PTGR3: variants seen among roughly 807,000 people sequenced by gnomAD.
PTGR3 encodes the protein zinc binding alcohol dehydrogenase domain containing 2.
chr18:75,201,274 G>A, the PTGR3 span: 1 of 702,374 alleles, frequency 1.4e-6, no homozygotes, highest in Non-Finnish European at 2.3e-6. Flanking sequence ...AGGAGGAGAA[G>A]GAGAGACCTA....
chr18:75,197,371 C>T, the PTGR3 span: 1 of 152,154 alleles, frequency 6.6e-6, no homozygotes, highest in Non-Finnish European at 1.5e-5. Context: ...TTCAAGACAT[C>T]TCATGTACCC....
At chr18:75,201,766 TAGCCAGGGCGTCTAC>T in the PTGR3 span, 1 of 1,614,216 alleles carries the variant, frequency 6.2e-7, no homozygotes, top group Non-Finnish European at 8.5e-7. Context: ...CGCCCTTTCG[TAGCCAGGGCGTCTAC>T]AGCCAAGTCA....
the PTGR3 span, chr18:75,208,702 T>C: frequency 2.2e-6 from 2 of 917,694 alleles, no homozygotes; most frequent in African/African-American, 3.5e-5. Context: ...CGGGTTCAAC[T>C]TCCCGGGATC....
the PTGR3 span, chr18:75,205,062 G>C: frequency 1.0e-5 from 8 of 793,142 alleles, no homozygotes; most frequent in Non-Finnish European, 1.2e-5. Flanking sequence ...TCCTCGCGCC[G>C]CGCTGTCTCC....
chr18:75,201,122 T>C, the PTGR3 span: 2 of 366,838 alleles, frequency 5.5e-6, no homozygotes, highest in Non-Finnish European at 9.8e-6. Flanking sequence ...GCATCAGGAA[T>C]GAATTTAGTT....
At chr18:75,203,978 T>A in the PTGR3 span, among the ~76,000 whole-genome samples, 1 of 152,294 alleles carries the variant, frequency 6.6e-6, no homozygotes, top group African/African-American at 2.4e-5. Context: ...GGGGTGGAAG[T>A]GACGGTAGGG....
the PTGR3 span, chr18:75,209,107 C>A: frequency 1.9e-5 from 27 of 1,394,070 alleles, no homozygotes; most frequent in Non-Finnish European, 2.5e-5. This position sits in a 1 kb window ranked among gnomAD's most constrained non-coding sequence, Gnocchi z 4.7. Flanking sequence ...CGGGGTCGGC[C>A]CCCGCCCGGG....
At chr18:75,208,571 A>AGGTT in the PTGR3 span, 1 of 607,188 alleles carries the variant, frequency 1.6e-6, no homozygotes, top group Non-Finnish European at 2.1e-6. Context: ...GGGAGGAGGG[A>AGGTT]GGGCTGGAGG....
chr18:75,198,616 G>A, the PTGR3 span: 2 of 151,998 alleles, frequency 1.3e-5, no homozygotes, highest in Non-Finnish European at 2.9e-5. Context: ...CTGCAAAACA[G>A]GCTTGAAGGA....
chr18:75,203,159 T>A, the PTGR3 span, among the ~76,000 whole-genome samples: 4 of 152,236 alleles, frequency 2.6e-5, no homozygotes, highest in Non-Finnish European at 5.9e-5. Flanking sequence ...TACCAGATGA[T>A]TATTTTCATC....
chr18:75,206,120 G>A, the PTGR3 span, among the ~76,000 whole-genome samples: 5 of 152,038 alleles, frequency 3.3e-5, no homozygotes, highest in Admixed American at 2.6e-4. Context: ...AGTTGTTCTC[G>A]GATACATAAA....
chr18:75,204,262 C>G, the PTGR3 span, among the ~76,000 whole-genome samples: 27 of 152,214 alleles, frequency 1.8e-4, no homozygotes, highest in Non-Finnish European at 2.9e-4. Flanking sequence ...AACCCCCCCT[C>G]TCCCCGCCCC....
the PTGR3 span, chr18:75,200,701 TTCTG>T: frequency 1.3e-5 from 2 of 152,180 alleles, no homozygotes; most frequent in African/African-American, 2.4e-5. Flanking sequence ...AAAACCTACT[TTCTG>T]TCTATGTAAG....
the PTGR3 span, among the ~76,000 whole-genome samples, chr18:75,203,315 T>C: frequency 6.6e-6 from 1 of 152,274 alleles, no homozygotes; most frequent in East Asian, 1.9e-4. Flanking sequence ...AGACACATAA[T>C]GGAAGACCCT....
chr18:75,202,103 C>T, the PTGR3 span: 2 of 1,614,068 alleles, frequency 1.2e-6, no homozygotes, highest in Non-Finnish European at 1.7e-6. Flanking sequence ...GGGTAAGATA[C>T]TCGGGTTTCA....
At chr18:75,200,126 A>T in the PTGR3 span, 1 of 152,200 alleles carries the variant, frequency 6.6e-6, no homozygotes, top group Non-Finnish European at 1.5e-5. Flanking sequence ...ACTTTGAAAA[A>T]TAATCTGGTG....
the PTGR3 span, chr18:75,202,048 C>T: frequency 2.9e-4 from 476 of 1,614,022 alleles, 3 homozygotes; most frequent in South Asian, 9.9e-5. Context: ...GACAGTCCTC[C>T]GAGCTCTTTC....
At chr18:75,204,313 G>A in the PTGR3 span, among the ~76,000 whole-genome samples, 1 of 152,252 alleles carries the variant, frequency 6.6e-6, no homozygotes, top group Non-Finnish European at 1.5e-5. Context: ...GTGGAGAGAT[G>A]GAGCAGGACG....
the PTGR3 span, chr18:75,208,820 G>A: frequency 2.8e-6 from 4 of 1,443,102 alleles, no homozygotes; most frequent in South Asian, 1.4e-5. Flanking sequence ...GCGAGAACGG[G>A]GGCGTGGGGT....
Sources: gnomAD v4.1 joint callset for allele counts (sites outside exome capture counted in the v4.1 genomes callset) on GRCh38, gnomAD v4.1.1 for gene constraint, Gnocchi (gnomAD v3.1) non-coding constraint, MANE v1.5 for transcripts, NCBI Gene and HGNC (gene_info 2026-07-23, HGNC 2026-07-21) for gene names.